SDK2: variants seen among roughly 807,000 people sequenced by gnomAD.
SDK2 encodes the protein protein sidekick-2.
A neutral mutation model predicts 253.9 loss-of-function variants in SDK2; 105 were observed. The observed-to-expected ratio is 0.41, with a 90% CI of 0.35 to 0.49. SDK2 has a LOEUF of 0.49. Ranked by LOEUF, SDK2 falls within the 20% of genes least tolerant of loss-of-function variation. The pLI, the probability that SDK2 is intolerant of heterozygous loss-of-function variation, is 0.06. For missense variants in SDK2, 2,608 were observed against 3,003.0 expected, an observed-to-expected ratio of 0.87 and a Z score of 3.07; for synonymous variants, 1,249 against 1,234.9, an observed-to-expected ratio of 1.01 and a Z score of -0.24.
intron 5 of SDK2, among the ~76,000 whole-genome samples, chr17:73,444,357 C>G (rs1310110148): frequency 6.6e-6 from 1 of 152,154 alleles, no homozygotes; most frequent in Admixed American, 6.5e-5. Context: ...CACCCCAGCA[C>G]AAGTGGGTTA....
intron 1 of SDK2, among the ~76,000 whole-genome samples, chr17:73,556,241 A>G (rs1821741913): frequency 1.3e-5 from 2 of 152,242 alleles, no homozygotes; most frequent in African/African-American, 2.4e-5. Flanking sequence ...AAACAGATCA[A>G]CAGAGCAAAA....
intron 1 of SDK2, among the ~76,000 whole-genome samples, chr17:73,533,989 G>C (rs150886301): frequency 6.6e-6 from 1 of 152,048 alleles, no homozygotes; most frequent in East Asian, 1.9e-4. Context: ...ACAGTGATGC[G>C]GCAACATCTG....
intron 1 of SDK2, among the ~76,000 whole-genome samples, chr17:73,527,329 T>G (rs1209085299): frequency 6.6e-6 from 1 of 151,402 alleles, no homozygotes; most frequent in Non-Finnish European, 1.5e-5. Flanking sequence ...GGGGAAGGGG[T>G]GTGGATGGTG....
intron 1 of SDK2, among the ~76,000 whole-genome samples, chr17:73,604,242 G>A (rs774848187): frequency 3.3e-5 from 5 of 152,196 alleles, no homozygotes; most frequent in African/African-American, 9.7e-5. Context: ...GAGCGGACCC[G>A]CAAAGCTCAT....
intron 1 of SDK2, among the ~76,000 whole-genome samples, chr17:73,514,445 T>A (rs1214595075): frequency 6.6e-6 from 1 of 152,220 alleles, no homozygotes; most frequent in East Asian, 1.9e-4. Flanking sequence ...TAATGTCATC[T>A]TTCTCTGGAG....
At chr17:73,415,749 A>C (rs868480096) in intron 17 of SDK2, 62 bp downstream of exon 17, 2 of 1,437,014 alleles carry the variant, frequency 1.4e-6, no homozygotes, top group Non-Finnish European at 1.9e-6. Flanking sequence ...TTGGCGTCCC[A>C]AAGTGCTAGG....
Position 73,368,608 on chromosome 17 carries a change from G to A in SDK2, c.4981-15C>T. 1.9e-6 allele frequency: 3 copies of A among 1,544,428 alleles called. No individual in the cohort carries two copies. The East Asian group carries it at 7.0e-5, about 36-fold the overall frequency. On this transcript the variant is annotated splice_polypyrimidine_tract_variant and intron_variant, in intron 36 of 44. Transcript: ENST00000392650. ...CAGAAATAAATCTGTGGGAACAGAA[G>A]GATGTGGGAGTGAGGGGGACAGGGG... is the stretch of plus-strand genomic sequence containing the variant.
At chr17:73,525,814 C>T (rs1252066018) in intron 1 of SDK2, among the ~76,000 whole-genome samples, 2 of 152,192 alleles carry the variant, frequency 1.3e-5, no homozygotes, top group Non-Finnish European at 2.9e-5. Flanking sequence ...CAAATGCCCT[C>T]AGCTCTTAGC....
chr17:73,469,533 T>C (rs2063628922), intron 3 of SDK2, among the ~76,000 whole-genome samples: 1 of 152,224 alleles, frequency 6.6e-6, no homozygotes, highest in Admixed American at 6.5e-5. Context: ...GCCAGGACCT[T>C]TGCCCATGAT....
At chr17:73,457,645 C>T (rs766825830) in intron 3 of SDK2, among the ~76,000 whole-genome samples, 184 of 152,086 alleles carry the variant, frequency 1.2e-3, no homozygotes, top group Non-Finnish European at 2.1e-3. Context: ...GCCACCGTGC[C>T]CAGCCTACAT....
rs1419033899 is a variant in SDK2, at chr17:73,348,794, A to C, written c.6039-69T>G. 2.2e-6 allele frequency: 3 copies of C among 1,342,828 alleles called. No individual in the cohort carries two copies. In the East Asian group the frequency reaches 7.1e-5, roughly 32 times the overall value. The allele number at this position is 1,342,828 out of a possible 1,614,324, so 83.2% of individuals were successfully genotyped here. A position where few individuals can be genotyped will look rare whatever the true frequency, so the allele number is the denominator to read the frequency against. The stretch of plus-strand genomic sequence containing the variant: ...GAGCGGCCTCCCCTGGCCTAGGGAG[A>C]CCACAGTGGGGGCCTGGGGAACACG... On this transcript the variant is annotated intron_variant, in intron 43 of 44. Transcript: ENST00000392650.
In SDK2 at chr17:73,351,448, C is replaced by G. The variant is rs2062537794; in HGVS notation, c.5759-658G>C. Reference sequence around the variant, plus strand: ...TCTTTTGTACTTGTCTAGGAGCTATCTTGATAAGCATACCTAAATCTGTGT... The same window carrying G: ...TCTTTTGTACTTGTCTAGGAGCTATGTTGATAAGCATACCTAAATCTGTGT... On this transcript the variant is annotated intron_variant, in intron 41 of 44. Coordinates refer to ENST00000392650, the MANE Select transcript of SDK2 (RefSeq NM_001144952.2). Among the ~76,000 whole-genome samples, 6 of 152,186 alleles carry G rather than the reference C, an allele frequency of 3.9e-5. No homozygotes were observed. In the South Asian group the frequency reaches 1.2e-3, roughly 32 times the overall value.
At chr17:73,554,631 TCAGC>T (rs1402332366) in intron 1 of SDK2, among the ~76,000 whole-genome samples, 6 of 152,206 alleles carry the variant, frequency 3.9e-5, no homozygotes, top group Admixed American at 3.9e-4. Flanking sequence ...TTCCATCATT[TCAGC>T]CAGCTAGTCT....
intron 1 of SDK2, among the ~76,000 whole-genome samples, chr17:73,524,276 C>T (rs761451392): frequency 2.3e-4 from 35 of 152,180 alleles, no homozygotes; most frequent in Non-Finnish European, 3.8e-4. Flanking sequence ...TGATAGCCTA[C>T]GTGTTGATAG....
intron 2 of SDK2, chr17:73,504,237 A>AGTGTGTGTGT (rs34971621): frequency 9.7e-6 from 1 of 103,250 alleles, no homozygotes; most frequent in Non-Finnish European, 2.1e-5. Flanking sequence ...AGAGAGAGAA[A>AGTGTGTGTGT]GTGTGTGTGT....
intron 2 of SDK2, among the ~76,000 whole-genome samples, chr17:73,506,962 C>T (rs1387292536): frequency 6.6e-6 from 1 of 152,268 alleles, no homozygotes; most frequent in Non-Finnish European, 1.5e-5. Context: ...CCTGAGAGGG[C>T]CATCTCTGTG....
intron 1 of SDK2, among the ~76,000 whole-genome samples, chr17:73,603,093 C>G (rs1340792285): frequency 2.0e-5 from 3 of 152,136 alleles, no homozygotes; most frequent in Non-Finnish European, 4.4e-5. Flanking sequence ...ACACTCACCA[C>G]CCTCCCAGGT....
At chr17:73,641,237 A>G (rs573296318) in intron 1 of SDK2, 2 of 152,370 alleles carry the variant, frequency 1.3e-5, no homozygotes, top group Admixed American at 6.5e-5. Flanking sequence ...ATTGCCATGT[A>G]TTAAGTACCT....
intron 3 of SDK2, among the ~76,000 whole-genome samples, chr17:73,463,985 G>C (rs1830717008): frequency 6.6e-6 from 1 of 152,208 alleles, no homozygotes; most frequent in African/African-American, 2.4e-5. Flanking sequence ...GCAGCCATGT[G>C]AGTTTCCACC....
Sources: allele counts gnomAD v4.1 joint callset (sites outside exome capture counted in the v4.1 genomes callset), GRCh38; gene constraint gnomAD v4.1.1; transcripts MANE v1.5; gene names NCBI Gene and HGNC (gene_info 2026-07-23, HGNC 2026-07-21).